ZNF286A: variants seen among roughly 807,000 people sequenced by gnomAD.
ZNF286A encodes zinc finger protein 286A, also known as zinc finger protein ZNF286.
In ZNF286A, 34 loss-of-function variants were observed where a neutral mutation model predicts 49.3. That is an observed-to-expected ratio of 0.69 (90% confidence interval 0.52 to 0.92). The LOEUF (loss-of-function observed/expected upper bound fraction) is 0.92, where lower values mean the gene tolerates loss of function less well. Ranked by LOEUF, ZNF286A falls within the 40% of genes least tolerant of loss-of-function variation. The pLI is 0.00. For missense variants in ZNF286A, 462 were observed against 600.2 expected (o/e 0.77, Z 2.41); for synonymous variants, 155 against 200.4 (o/e 0.77, Z 1.91).
chr17:15,716,468 T>C lies in ZNF286A; in HGVS notation c.744T>C (p.Cys248=). Residue 248 remains cysteine, a synonymous_variant, in exon 6 of 6, where the codon TGT becomes TGC. Transcript: ENST00000583566. ...AAAAACCTCATAAATGTAATGATTG[T>C]GGTGAACTCTTCACCTACCATTCAG... ...KEKKPHKCND[C]GELFTYHSVL... 1 of 1,613,960 alleles carries C rather than the reference T, an allele frequency of 6.2e-7. No homozygotes were observed. Among genetic ancestry groups the C allele is most frequent in the Non-Finnish European group, 8.5e-7 (1 of 1,179,958 alleles).
intron 5 of ZNF286A, chr17:15,711,383 ATCT>A (rs1990635210): frequency 6.6e-6 from 1 of 152,162 alleles, no homozygotes; most frequent in Non-Finnish European, 1.5e-5. Flanking sequence ...CTCTGAGTGT[ATCT>A]TCTTAGCCTT....
rs779254365 is a variant in ZNF286A, at chr17:15,701,240, GGTGA to G, written c.126+8_126+11del. 9.6e-5 allele frequency: 155 copies of G among 1,613,996 alleles called. 2 individuals carry two copies. The South Asian group carries it at 1.7e-3, about 17-fold the overall frequency. The stretch of plus-strand genomic sequence containing the variant: ...CTCTGCGCCTCACGGCCAGATCCCA[GGTGA>G]GTGAGTGCTGATTATTGGAATTACA... On this transcript the variant is annotated splice_donor_variant and splice_donor_region_variant and intron_variant, in intron 3 of 5. Transcript: ENST00000583566. LOFTEE classifies it high-confidence loss of function.
At chr17:15,706,528 C>G in intron 4 of ZNF286A, 27 bp downstream of exon 4, 2 of 1,532,808 alleles carry the variant, frequency 1.3e-6, no homozygotes, top group Non-Finnish European at 1.8e-6. Context: ...ATTCTGGAAT[C>G]TGCTTATAGG....
At chr17:15,699,988 G>C in intron 1 of ZNF286A, 147 bp from the exon 2 acceptor site, 1 of 606,976 alleles carries the variant, frequency 1.6e-6, no homozygotes, top group South Asian at 2.0e-5. Context: ...TTCTGGGCCA[G>C]TGCCCCGAGC....
intron 3 of ZNF286A, among the ~76,000 whole-genome samples, chr17:15,702,694 C>T (rs1989877755): frequency 6.6e-6 from 1 of 152,190 alleles, no homozygotes; most frequent in Admixed American, 6.5e-5. Flanking sequence ...ACTTGCCTGT[C>T]TCCATTGGCT....
At chr17:15,706,967 G>A (rs912209671) in intron 4 of ZNF286A, among the ~76,000 whole-genome samples, 1 of 152,076 alleles carries the variant, frequency 6.6e-6, no homozygotes, top group African/African-American at 2.4e-5. Context: ...CAGCAAATAA[G>A]GTCACAGGCC....
rs1967209898 is a variant in ZNF286A, at chr17:15,718,672, C to T, written c.*1382C>T. 6.6e-6 allele frequency: 1 copy of T among 151,100 alleles called. No homozygotes were observed. Among genetic ancestry groups the T allele is most frequent in the Non-Finnish European group, 1.5e-5 (1 of 67,916 alleles). The allele number at this position is 151,100 out of a possible 1,614,324, so 9.4% of individuals were successfully genotyped here. A position where few individuals can be genotyped will look rare whatever the true frequency, so the allele number is the denominator to read the frequency against. ...GACTTGCTTGAGGATAAGCAGCTTC[C>T]CTTCGTGAAGAAGTTGCCATTTCTC... On this transcript the variant is annotated 3_prime_UTR_variant, in exon 6 of 6. Coordinates refer to ENST00000583566, the MANE Select transcript of ZNF286A (RefSeq NM_001130842.2).
chr17:15,705,433 T>A (rs1022558999), intron 3 of ZNF286A, among the ~76,000 whole-genome samples: 9 of 152,164 alleles, frequency 5.9e-5, no homozygotes, highest in Non-Finnish European at 8.8e-5. Flanking sequence ...ATTTACATTT[T>A]AAAAAAATGA....
intron 4 of ZNF286A, among the ~76,000 whole-genome samples, chr17:15,707,616 A>G (rs1990336601): frequency 6.6e-6 from 1 of 152,144 alleles, no homozygotes; most frequent in African/African-American, 2.4e-5. Flanking sequence ...AAGTTTCCTC[A>G]CACAATAAGG....
chr17:15,708,819 G>C (rs1990435552), intron 5 of ZNF286A, among the ~76,000 whole-genome samples: 2 of 151,942 alleles, frequency 1.3e-5, no homozygotes, highest in Admixed American at 6.6e-5. Flanking sequence ...TTTTTGTTTT[G>C]TTAATATACC....
Position 15,717,119 on chromosome 17 carries a change from G to T in ZNF286A, c.1395G>T (p.Pro465=). ...KHQRIHIGKK[P]YKCSECGKAF... ...AAAGAATTCATATTGGAAAGAAACC[G>T]TACAAATGTAGCGAGTGTGGAAAAG... Residue 465 remains proline, a synonymous_variant, in exon 6 of 6, where the codon CCG becomes CCT. Transcript: ENST00000583566. The T allele has an allele frequency of 1.2e-6, 2 of 1,613,766 alleles. No homozygotes were observed. The highest frequency in any genetic ancestry group is 2.2e-5 in the South Asian group (2 of 91,038).
chr17:15,717,951 T>TTG lies in ZNF286A; in HGVS notation c.*661_*662insTG. 6.7e-6 allele frequency: 1 copy of TTG among 149,534 alleles called. No individual in the cohort carries two copies. Among genetic ancestry groups the TTG allele is most frequent in the African/African-American group, 2.5e-5 (1 of 40,192 alleles). 9.3% of individuals were successfully genotyped at this position (149,534 alleles called of 1,614,324 possible). A position where few individuals can be genotyped will look rare whatever the true frequency, so the allele number is the denominator to read the frequency against. On this transcript the variant is annotated 3_prime_UTR_variant, in exon 6 of 6. Transcript: ENST00000583566. ...ATTGATTTTTTTTTTTTTTTTTTTT[T>TTG]GAGACAGAGTCTTGCTCTGTTGCCC...
intron 5 of ZNF286A, among the ~76,000 whole-genome samples, chr17:15,713,701 G>T (rs558688589): frequency 6.7e-6 from 1 of 150,062 alleles, no homozygotes; most frequent in African/African-American, 2.5e-5. Context: ...ACTTTATATT[G>T]TGCAATATTT....
In ZNF286A at chr17:15,704,243, G is replaced by A. The variant is rs866765011; in HGVS notation, c.127-2144G>A. On this transcript the variant is annotated intron_variant, in intron 3 of 5. Transcript: ENST00000583566. ...AGGAAGAGAGCCCACTACAGCCGCC[G>A]CAGCGCCCGCTTCTTGTCCGTCTTT... The A allele has an allele frequency of 3.7e-6, 6 of 1,601,798 alleles. No individual in the cohort carries two copies. The South Asian group carries it at 6.6e-5, about 18-fold the overall frequency.
At chr17:15,709,092 T>G (rs1450297291) in intron 5 of ZNF286A, among the ~76,000 whole-genome samples, 4 of 152,122 alleles carry the variant, frequency 2.6e-5, no homozygotes, top group Non-Finnish European at 2.9e-5. Flanking sequence ...TTCCACATGC[T>G]TGTCAACACT....
chr17:15,709,088 A>T, intron 5 of ZNF286A, among the ~76,000 whole-genome samples: 1 of 152,086 alleles, frequency 6.6e-6, no homozygotes, highest in Non-Finnish European at 1.5e-5. Flanking sequence ...GTTGTTCCAC[A>T]TGCTTGTCAA....
chr17:15,717,530 C>G lies in ZNF286A; in HGVS notation c.*240C>G. On this transcript the variant is annotated 3_prime_UTR_variant, in exon 6 of 6. Coordinates refer to ENST00000583566, the MANE Select transcript of ZNF286A (RefSeq NM_001130842.2). ...AATCTCCAACGTCCCAAATAGCTAT[C>G]TGTGGAAATTCAAGAAGTCCCTGAG... The G allele has an allele frequency of 1.6e-6, 1 of 643,702 alleles. No individual in the cohort carries two copies. The highest frequency in any genetic ancestry group is 3.1e-5 in the East Asian group (1 of 32,092). The allele number at this position is 643,702 out of a possible 1,614,324, so 39.9% of individuals were successfully genotyped here.
chr17:15,701,748 T>G (rs2601947), intron 3 of ZNF286A, among the ~76,000 whole-genome samples: 1 of 152,232 alleles, frequency 6.6e-6, no homozygotes. Flanking sequence ...TCTGAGATGA[T>G]GAAAGCTAAG....
intron 5 of ZNF286A, among the ~76,000 whole-genome samples, chr17:15,709,290 G>C (rs541506415): frequency 1.8e-4 from 26 of 144,742 alleles, no homozygotes; most frequent in African/African-American, 6.8e-4. Context: ...AGAAATTTGA[G>C]ACCAGCCTGG....
Sources: gnomAD v4.1 joint callset for allele counts (sites outside exome capture counted in the v4.1 genomes callset) on GRCh38, gnomAD v4.1.1 for gene constraint, MANE v1.5 for transcripts, NCBI Gene and HGNC (gene_info 2026-07-23, HGNC 2026-07-21) for gene names.